Variants in PIGN observed in about 807,000 individuals in gnomAD.
PIGN encodes phosphatidylinositol glycan anchor biosynthesis class N.
In PIGN, 117 loss-of-function variants were observed where a neutral mutation model predicts 125.4. That is an observed-to-expected ratio of 0.93 (90% confidence interval 0.80 to 1.09). PIGN has a LOEUF of 1.09. PIGN is among the 50% of genes least tolerant of loss of function. The probability of loss-of-function intolerance (pLI) is 0.00; values close to 1 mark genes in which losing one functional copy is unlikely to be tolerated. For synonymous variants in PIGN, 392 were observed against 377.8 expected (o/e 1.04, Z -0.44); for missense variants, 1,075 against 1,094.9 (o/e 0.98, Z 0.26).
At chr18:62,121,266 T>C (rs1283745168) in intron 14 of PIGN, among the ~76,000 whole-genome samples, 1 of 152,160 alleles carries the variant, frequency 6.6e-6, no homozygotes, top group Non-Finnish European at 1.5e-5. Flanking sequence ...AAAGTTGTTC[T>C]AGTAAGTCAC....
intron 1 of PIGN, among the ~76,000 whole-genome samples, chr18:62,185,299 T>C (rs569004818): frequency 3.8e-4 from 58 of 152,320 alleles, no homozygotes; most frequent in African/African-American, 1.3e-3. Context: ...TCAATTCTAT[T>C]TGGGGGGATT....
chr18:62,080,113 A>G lies in PIGN; in HGVS notation c.2576+2560T>C, dbSNP rs1309557105. ...ACTAGCTTTTTGGCTGCTAGATCACATTGTTGACAACTGCTATTTCCAAGT... is the reference window on the plus strand; with the variant it reads ...ACTAGCTTTTTGGCTGCTAGATCACGTTGTTGACAACTGCTATTTCCAAGT... On this transcript the variant is annotated intron_variant, in intron 28 of 30. Transcript: ENST00000640252. 3.3e-5 allele frequency among the ~76,000 whole-genome samples: 5 copies of G among 152,292 alleles called. No individual in the cohort carries two copies. The East Asian group carries it at 9.6e-4, about 29-fold the overall frequency.
rs2036355045 is a variant in PIGN at position 62,146,987 on chromosome 18, A to G, written c.789T>C (p.His263=). The change falls in exon 9 of 31, where the codon CAT becomes CAC. Residue 263 remains histidine, a synonymous_variant. Transcript: ENST00000640252. ...CACACTAACCCCAGTCTGTCATTCC[A>G]TGGTCAGAGGTAAAGATAAATGTTG... is the stretch of plus-strand genomic sequence containing the variant. The part of the protein sequence containing the change: ...GKTTFIFTSD[H]GMTDWGSHGA... 6.2e-7 allele frequency: 1 copy of G among 1,612,148 alleles called. No individual in the cohort carries two copies. Among genetic ancestry groups the G allele is most frequent in the Non-Finnish European group, 8.5e-7 (1 of 1,178,608 alleles).
intron 1 of PIGN, among the ~76,000 whole-genome samples, chr18:62,173,366 G>A (rs954223165): frequency 6.6e-6 from 1 of 152,052 alleles, no homozygotes; most frequent in Non-Finnish European, 1.5e-5. Context: ...TAGTAGCCGG[G>A]ACCACAAGGT....
intron 30 of PIGN, among the ~76,000 whole-genome samples, chr18:62,057,957 T>A (rs903163990): frequency 6.6e-6 from 1 of 152,246 alleles, no homozygotes; most frequent in Admixed American, 6.5e-5. Flanking sequence ...TCTTCCACTA[T>A]CAGTCCTCAC....
chr18:62,058,235 T>C (rs951022382), intron 30 of PIGN, among the ~76,000 whole-genome samples: 2 of 152,258 alleles, frequency 1.3e-5, no homozygotes, highest in Non-Finnish European at 2.9e-5. Context: ...TGTTAAATGT[T>C]ACTTTGTTTG....
chr18:62,037,261 A>C (rs1399482554), downstream of PIGN, among the ~76,000 whole-genome samples: 1 of 152,250 alleles, frequency 6.6e-6, no homozygotes. Flanking sequence ...ACTTAGACTG[A>C]AATTAGCTCT....
At chr18:62,032,578 T>C (rs2030206483) in intron 23 of PIGN, among the ~76,000 whole-genome samples, 1 of 152,238 alleles carries the variant, frequency 6.6e-6, no homozygotes, top group African/African-American at 2.4e-5. Flanking sequence ...GCTGCAGTGA[T>C]TGCATTTTCA....
At chr18:62,029,515 G>C (rs1005872456) in intron 23 of PIGN, among the ~76,000 whole-genome samples, 3 of 152,270 alleles carry the variant, frequency 2.0e-5, no homozygotes, top group Admixed American at 6.5e-5. Flanking sequence ...AGATATATTT[G>C]CATTGTCAAC....
chr18:62,030,639 CTTCACATTGTGCTGATATTTTTATA>C (rs2030182852), intron 23 of PIGN, among the ~76,000 whole-genome samples: 1 of 152,188 alleles, frequency 6.6e-6, no homozygotes, highest in South Asian at 2.1e-4. Flanking sequence ...ATATTTTTAT[CTTCACATTGTGCTGATATTTTTATA>C]TTCACATTTC....
At chr18:62,148,114 T>C in intron 8 of PIGN, 100 bp downstream of exon 8, 1 of 878,872 alleles carries the variant, frequency 1.1e-6, no homozygotes, top group Non-Finnish European at 1.7e-6. Flanking sequence ...GTTTAAAATA[T>C]TAGCTCTGTT....
intron 23 of PIGN, among the ~76,000 whole-genome samples, chr18:62,018,335 G>C (rs189519205): frequency 6.6e-6 from 1 of 152,222 alleles, no homozygotes; most frequent in African/African-American, 2.4e-5. Flanking sequence ...ACTGAGGCGA[G>C]GGCTCATGCA....
chr18:62,185,760 G>A (rs1259478855), intron 1 of PIGN, among the ~76,000 whole-genome samples: 1 of 69,704 alleles, frequency 1.4e-5, no homozygotes, highest in Non-Finnish European at 3.3e-5. Context: ...TAATTGTATT[G>A]ACTGGAAATT....
intron 14 of PIGN, among the ~76,000 whole-genome samples, chr18:62,122,945 A>G (rs1164288186): frequency 6.6e-6 from 1 of 152,206 alleles, no homozygotes; most frequent in Non-Finnish European, 1.5e-5. Context: ...CTTATAAAGA[A>G]TAAGCCAGCA....
At chr18:62,034,744 A>G (rs1423450325) in intron 23 of PIGN, among the ~76,000 whole-genome samples, 2 of 152,188 alleles carry the variant, frequency 1.3e-5, no homozygotes, top group Non-Finnish European at 2.9e-5. Flanking sequence ...TACTGTATTT[A>G]GGAAGTAATT....
At position 62,084,603 on chromosome 18, in the gene PIGN, A is replaced by C; in HGVS notation, c.2430T>G (p.Phe810Leu). The C allele has an allele frequency of 6.5e-7, 1 of 1,542,918 alleles. No individual in the cohort carries two copies. Among genetic ancestry groups the C allele is most frequent in the Non-Finnish European group, 8.8e-7 (1 of 1,136,850 alleles). The change falls in exon 27 of 31, where the codon TTT becomes TTG. Residue 810 changes from phenylalanine to leucine, a missense_variant. Physicochemically the swap from Phe to Leu is conservative, Grantham distance 22. Coordinates refer to ENST00000640252, the MANE Select transcript of PIGN (RefSeq NM_176787.5). ...GTGNIASINS[F>L]DLASVYCFLT... ...GAAAGCAATAGACAGAGGCAAGATC[A>C]AAGCTAGGGAATTATAACAAGGAAA...
chr18:62,045,702 C>A lies in PIGN; in HGVS notation c.*154G>T. 1 of 635,014 alleles carries A rather than the reference C, an allele frequency of 1.6e-6. No individual in the cohort carries two copies. Among genetic ancestry groups the A allele is most frequent in the African/African-American group, 1.8e-5 (1 of 54,638 alleles). The allele number at this position is 635,014 out of a possible 1,614,324, so 39.3% of individuals were successfully genotyped here. A position where few individuals can be genotyped will look rare whatever the true frequency, so the allele number is the denominator to read the frequency against. Reference sequence around the variant, plus strand: ...GAAAAAAAAAGAAGCTCCTTTGTTCCAGATAACCTGTCAATTCGGAATTCC... The same window carrying A: ...GAAAAAAAAAGAAGCTCCTTTGTTCAAGATAACCTGTCAATTCGGAATTCC... On this transcript the variant is annotated 3_prime_UTR_variant, in exon 31 of 31. Transcript: ENST00000640252.
At chr18:62,109,582 T>C (rs959665047) in intron 17 of PIGN, among the ~76,000 whole-genome samples, 2 of 152,058 alleles carry the variant, frequency 1.3e-5, no homozygotes, top group African/African-American at 4.8e-5. Flanking sequence ...CTATAAAAGA[T>C]ACACAAAGAA....
At chr18:62,153,249 T>C (rs1282676342) in intron 7 of PIGN, among the ~76,000 whole-genome samples, 1 of 152,228 alleles carries the variant, frequency 6.6e-6, no homozygotes, top group Non-Finnish European at 1.5e-5. Flanking sequence ...TCTGAAGATA[T>C]ATTCTTGGTC....
Sources: allele counts gnomAD v4.1 joint callset (sites outside exome capture counted in the v4.1 genomes callset), GRCh38; gene constraint gnomAD v4.1.1; transcripts MANE v1.5; gene names NCBI Gene and HGNC (gene_info 2026-07-23, HGNC 2026-07-21).